Variants in CDK14 observed in about 807,000 individuals in gnomAD.
CDK14 encodes cyclin-dependent kinase 14.
A neutral mutation model predicts 60.7 loss-of-function variants in CDK14; 34 were observed. That is an observed-to-expected ratio of 0.56 (90% CI 0.43 to 0.75). The LOEUF (loss-of-function observed/expected upper bound fraction) is 0.75, where lower values mean the gene tolerates loss of function less well. CDK14 is among the 30% of genes least tolerant of loss of function. CDK14 has a pLI of 0.00. For missense variants in CDK14, 482 were observed against 564.1 expected (o/e 0.85, Z 1.47); for synonymous variants, 197 against 203.7 (o/e 0.97, Z 0.28).
At chr7:90,657,268 T>C (rs761598274) in intron 2 of CDK14, among the ~76,000 whole-genome samples, 5 of 152,230 alleles carry the variant, frequency 3.3e-5, no homozygotes, top group Admixed American at 6.5e-5. Context: ...ATAAGGACTT[T>C]GAATACAGTT....
In CDK14 at chr7:90,596,733, G is replaced by T. The variant is rs751053875; in HGVS notation, c.91+15G>T. ...CAGTCGCATTGGTGAGTAGCGCGCT[G>T]CCCCCGGCCCCCCCAGCGCCCGCTC... is the stretch of plus-strand genomic sequence containing the variant. On this transcript the variant is annotated intron_variant, in intron 1 of 14. Transcript: ENST00000380050. The T allele has an allele frequency of 6.3e-7, 1 of 1,598,244 alleles. No homozygotes were observed. The highest frequency in any genetic ancestry group is 1.7e-5 in the Admixed American group (1 of 59,820).
chr7:90,918,364 A>G (rs1183759035), intron 8 of CDK14, among the ~76,000 whole-genome samples: 4 of 152,248 alleles, frequency 2.6e-5, no homozygotes, highest in African/African-American at 9.6e-5. Flanking sequence ...TGAGCATTAT[A>G]AGTCATTCCT....
intron 8 of CDK14, among the ~76,000 whole-genome samples, chr7:90,955,265 C>T (rs1013893453): frequency 3.3e-5 from 5 of 152,052 alleles, no homozygotes; most frequent in Admixed American, 2.6e-4. Context: ...ATTCACAATA[C>T]GCATTAGAAC....
At chr7:90,910,596 A>G (rs761584695) in intron 7 of CDK14, among the ~76,000 whole-genome samples, 1 of 152,114 alleles carries the variant, frequency 6.6e-6, no homozygotes, top group Non-Finnish European at 1.5e-5. Flanking sequence ...CCAGTGTCAT[A>G]TTTTGTAGCT....
At chr7:91,058,767 A>G (rs1247327470) in intron 11 of CDK14, among the ~76,000 whole-genome samples, 6 of 152,210 alleles carry the variant, frequency 3.9e-5, no homozygotes, top group South Asian at 2.1e-4. Flanking sequence ...CTTGATCATG[A>G]TGGATAAGCT....
intron 2 of CDK14, among the ~76,000 whole-genome samples, chr7:90,637,243 A>C (rs1800175560): frequency 1.3e-5 from 2 of 150,294 alleles, no homozygotes; most frequent in Non-Finnish European, 3.0e-5. Flanking sequence ...TCAATTTTGG[A>C]TCTTTCCTGC....
chr7:91,094,316 C>G (rs944518674), intron 12 of CDK14, among the ~76,000 whole-genome samples: 1 of 152,056 alleles, frequency 6.6e-6, no homozygotes, highest in African/African-American at 2.4e-5. Flanking sequence ...AAAATATTTT[C>G]AGGGATGTAC....
chr7:90,654,048 T>G (rs775734533), intron 2 of CDK14, among the ~76,000 whole-genome samples: 3 of 152,234 alleles, frequency 2.0e-5, no homozygotes, highest in Non-Finnish European at 2.9e-5. Flanking sequence ...GTGCCACATT[T>G]TCTTAATTCA....
At chr7:90,912,297 AC>A (rs1217261893) in intron 7 of CDK14, among the ~76,000 whole-genome samples, 1 of 152,204 alleles carries the variant, frequency 6.6e-6, no homozygotes, top group Non-Finnish European at 1.5e-5. Flanking sequence ...AATGGCAAAG[AC>A]AGAAATTCAA....
At position 91,190,121 on chromosome 7, in the gene CDK14, A is replaced by G. The variant is rs541048376; in HGVS notation, c.*29-17044A>G. Among the ~76,000 whole-genome samples, 8 of 152,344 alleles carry G rather than the reference A, an allele frequency of 5.3e-5. No individual in the cohort carries two copies. In the East Asian group the frequency reaches 1.5e-3, roughly 29 times the overall value. On this transcript the variant is annotated intron_variant, in intron 14 of 14. Coordinates refer to ENST00000380050, the MANE Select transcript of CDK14 (RefSeq NM_001287135.2). The stretch of plus-strand genomic sequence containing the variant: ...ATTGACTAGGTTTTGTGCTTGCTGG[A>G]TATAACAGACCTTTATTTCTTACAC...
At chr7:90,853,895 A>T (rs907835491) in intron 5 of CDK14, among the ~76,000 whole-genome samples, 7 of 152,272 alleles carry the variant, frequency 4.6e-5, no homozygotes, top group African/African-American at 1.4e-4. Flanking sequence ...GCACTGCATG[A>T]TGAGCCTGGA....
chr7:90,856,484 C>T (rs1790821190), intron 5 of CDK14, among the ~76,000 whole-genome samples: 1 of 151,328 alleles, frequency 6.6e-6, no homozygotes, highest in Non-Finnish European at 1.5e-5. Context: ...TATCATTGCT[C>T]TTCCAGTGTT....
chr7:90,644,177 C>A (rs192381436), intron 2 of CDK14, among the ~76,000 whole-genome samples: 1 of 152,218 alleles, frequency 6.6e-6, no homozygotes, highest in Non-Finnish European at 1.5e-5. Context: ...CCAAACCCTG[C>A]TGGACCTTGA....
At chr7:91,031,638 C>T (rs1022014861) in intron 10 of CDK14, among the ~76,000 whole-genome samples, 13 of 152,036 alleles carry the variant, frequency 8.6e-5, no homozygotes, top group Non-Finnish European at 1.2e-4. Context: ...TGTTAAATGA[C>T]GTAGTGAGTT....
intron 5 of CDK14, among the ~76,000 whole-genome samples, chr7:90,861,823 G>T (rs1473576805): frequency 6.6e-6 from 1 of 151,026 alleles, no homozygotes; most frequent in African/African-American, 2.4e-5. Flanking sequence ...AAATAAATAG[G>T]AATAGAATAA....
At chr7:91,203,938 C>T (rs1485968170) in intron 14 of CDK14, among the ~76,000 whole-genome samples, 1 of 152,146 alleles carries the variant, frequency 6.6e-6, no homozygotes, top group East Asian at 1.9e-4. Context: ...TTCTTCGTTT[C>T]CCTGAAAGAA....
At position 90,811,672 on chromosome 7, in the gene CDK14, G is replaced by T. The variant is rs1452973092; in HGVS notation, c.544+21020G>T. ...CAGCAAAAGAAACTATCATCAGAGTGAACAGGCAACCTACAGAATGGGAGA... is the reference window on the plus strand; with the variant it reads ...CAGCAAAAGAAACTATCATCAGAGTTAACAGGCAACCTACAGAATGGGAGA... On this transcript the variant is annotated intron_variant, in intron 5 of 14. Coordinates refer to ENST00000380050, the MANE Select transcript of CDK14 (RefSeq NM_001287135.2). Among the ~76,000 whole-genome samples the T allele has an allele frequency of 2.6e-5, 4 of 151,802 alleles. No homozygotes were observed. In the East Asian group the frequency reaches 7.8e-4, roughly 30 times the overall value.
intron 5 of CDK14, among the ~76,000 whole-genome samples, chr7:90,808,659 G>C (rs1788960929): frequency 6.6e-6 from 1 of 152,166 alleles, no homozygotes; most frequent in Non-Finnish European, 1.5e-5. Flanking sequence ...CCAATTAAAA[G>C]ACACAGACTG....
chr7:90,621,667 T>G (rs866875586), intron 2 of CDK14, among the ~76,000 whole-genome samples: 28 of 140,526 alleles, frequency 2.0e-4, no homozygotes, highest in East Asian at 4.1e-4. Context: ...CTTCCTTCCT[T>G]CCTGCCTTCC....
Sources: gnomAD v4.1 joint callset for allele counts (sites outside exome capture counted in the v4.1 genomes callset) on GRCh38, gnomAD v4.1.1 for gene constraint, MANE v1.5 for transcripts, NCBI Gene and HGNC (gene_info 2026-07-23, HGNC 2026-07-21) for gene names.